MCOLN3: variants seen among roughly 807,000 people sequenced by gnomAD.
The protein encoded by MCOLN3 is mucolipin-3.
In MCOLN3, 62 loss-of-function variants were observed where a neutral mutation model predicts 69.4. That is an observed-to-expected ratio of 0.89 (90% CI 0.73 to 1.10). The LOEUF (loss-of-function observed/expected upper bound fraction) is 1.10. Among genes scored for constraint, MCOLN3 ranks in the 50% least tolerant of loss-of-function variants. The pLI, the probability that MCOLN3 is intolerant of heterozygous loss-of-function variation, is 0.00. For synonymous variants in MCOLN3, 183 were observed against 217.0 expected (o/e 0.84, Z 1.38); for missense variants, 564 against 656.4 (o/e 0.86, Z 1.54).
Position 85,045,252 on chromosome 1 carries a change from G to A in MCOLN3, c.109C>T (p.Gln37Ter). 1 of 1,614,026 alleles carries A rather than the reference G, an allele frequency of 6.2e-7. No homozygotes were observed. The highest frequency in any genetic ancestry group is 8.5e-7 in the Non-Finnish European group (1 of 1,179,986). The change falls in exon 2 of 13, where the codon CAG becomes TAG. Residue 37 changes from glutamine to a stop codon, truncating the protein, a stop_gained. Transcript: ENST00000370589. LOFTEE classifies it high-confidence loss of function. ...SPSEELLLED[Q>*]MRRKLKFFFM... is the part of the protein sequence containing the mutation. ...AAAAATTTGAGTTTTCGCCTCATCT[G>A]GTCTTCTAATAGAAGCTCCTCAGAT...
chr1:85,041,368 T>C (rs562589180), intron 2 of MCOLN3, among the ~76,000 whole-genome samples, 191 bp from the exon 3 acceptor site: 7 of 152,274 alleles, frequency 4.6e-5, no homozygotes, highest in Middle Eastern at 3.4e-3. Context: ...TATTCCTAGG[T>C]CTAATCACCA....
At chr1:85,038,838 A>G (rs2102938615) in intron 3 of MCOLN3, among the ~76,000 whole-genome samples, 1 of 151,668 alleles carries the variant, frequency 6.6e-6, no homozygotes, top group South Asian at 2.1e-4. Context: ...TAAAAATACA[A>G]AAAAAAATTA....
rs773065183 is a variant in MCOLN3 at position 85,022,162 on chromosome 1, G to C, written c.1228C>G (p.Pro410Ala). Residue 410 changes from proline (P) to alanine (A), a missense_variant, in exon 11 of 13, where the codon CCC (proline) becomes GCC (alanine). Pro to Ala is a conservative substitution (Grantham distance 27, BLOSUM62 -1). Transcript: ENST00000370589. ...CAGCAGCAGAACCTGATGACATTGG[G>C]CAGCGCTGCCTGAAGGGTCAAAATG... Reference protein sequence around the residue: ...LLILTLQAALPNVIRFCCCAA... With the variant: ...LLILTLQAALANVIRFCCCAA... The C allele has an allele frequency of 6.2e-7, 1 of 1,614,116 alleles. No homozygotes were observed.
chr1:85,045,095 A>G, intron 2 of MCOLN3, 38 bp downstream of exon 2: 1 of 1,518,182 alleles, frequency 6.6e-7, no homozygotes, highest in Non-Finnish European at 9.0e-7. Flanking sequence ...TTGTAATTAA[A>G]AGAGGCTTTC....
intron 4 of MCOLN3, 107 bp downstream of exon 4, chr1:85,033,991 G>T: frequency 1.7e-6 from 2 of 1,188,304 alleles, no homozygotes; most frequent in Non-Finnish European, 2.4e-6. Context: ...TTCTTACTAT[G>T]TCCTAATATC....
Position 85,045,144 on chromosome 1 carries a change from C to T in MCOLN3, c.217G>A (p.Val73Met). 2 of 1,613,438 alleles carry T rather than the reference C, an allele frequency of 1.2e-6. No homozygotes were observed. The highest frequency in any genetic ancestry group is 1.7e-6 in the Non-Finnish European group (2 of 1,179,692). The change falls in exon 2 of 13, where the codon GTG becomes ATG. Residue 73 changes from valine to methionine, a missense_variant. Val to Met is a conservative substitution (Grantham distance 21). Transcript: ENST00000370589. ...LAIQILKIAM[V>M]TIQLVLFGLS... is the part of the protein sequence containing the mutation. ...TCTGAGATGCTTACCTGGATAGTCA[C>T]CATTGCAATTTTTAGAATTTGTATG...
At position 85,038,036 on chromosome 1, in the gene MCOLN3, A is replaced by AT. The variant is rs370105590; in HGVS notation, c.396+2973dup. 3.2e-3 allele frequency among the ~76,000 whole-genome samples: 484 copies of AT among 152,356 alleles called. 2 individuals carry two copies. Among genetic ancestry groups the AT allele is most frequent in the Non-Finnish European group, 4.4e-3 (296 of 68,034 alleles). On this transcript the variant is annotated intron_variant, in intron 3 of 12. Coordinates refer to ENST00000370589, the MANE Select transcript of MCOLN3 (RefSeq NM_018298.11). ...GGGTGGGTAGGAAAGAAAGGAAGCC[A>AT]TCCAGAAACAGGAATTTATAAACTA... is the stretch of plus-strand genomic sequence containing the variant.
intron 6 of MCOLN3, chr1:85,029,649 A>C (rs1017945335): frequency 2.6e-5 from 4 of 152,854 alleles, no homozygotes; most frequent in African/African-American, 9.6e-5. Context: ...GCTTTGAGAC[A>C]TTTCAAGTGG....
intron 4 of MCOLN3, 119 bp downstream of exon 4, chr1:85,033,979 C>A: frequency 9.2e-7 from 1 of 1,090,010 alleles, no homozygotes; most frequent in Non-Finnish European, 1.3e-6. Context: ...ACTCGTATAT[C>A]ATTCTTACTA....
At chr1:85,040,000 C>T (rs1284380037) in intron 3 of MCOLN3, among the ~76,000 whole-genome samples, 1 of 151,968 alleles carries the variant, frequency 6.6e-6, no homozygotes, top group Non-Finnish European at 1.5e-5. Context: ...CTATCCCACT[C>T]CCCGCCACCC....
chr1:85,021,280 GA>G lies in MCOLN3; in HGVS notation c.1321-5del. On this transcript the variant is annotated splice_region_variant and splice_polypyrimidine_tract_variant and intron_variant, in intron 11 of 12. Transcript: ENST00000370589. Reference sequence around the variant, plus strand: ...AGACCATGTTCAGAGAACGAAACTGGAAAAAGAAAAGAGAAAAGTTCACTTT... The same window carrying G: ...AGACCATGTTCAGAGAACGAAACTGGAAAAGAAAAGAGAAAAGTTCACTTT... The G allele has an allele frequency of 1.2e-6, 2 of 1,602,426 alleles. No homozygotes were observed. Among genetic ancestry groups the G allele is most frequent in the African/African-American group, 1.3e-5 (1 of 74,126 alleles).
chr1:85,023,882 T>G (rs901387936), intron 9 of MCOLN3, among the ~76,000 whole-genome samples: 2 of 152,140 alleles, frequency 1.3e-5, no homozygotes, highest in Non-Finnish European at 2.9e-5. Flanking sequence ...ATTGAAAGCA[T>G]GTCAACAAAA....
chr1:85,045,190 A>G lies in MCOLN3; in HGVS notation c.171T>C (p.Gly57=). 6.2e-7 allele frequency: 1 copy of G among 1,614,046 alleles called. No homozygotes were observed. Among genetic ancestry groups the G allele is most frequent in the South Asian group, 1.1e-5 (1 of 91,072 alleles). Residue 57 remains glycine, a synonymous_variant, in exon 2 of 13, where the codon GGT becomes GGC. Coordinates refer to ENST00000370589, the MANE Select transcript of MCOLN3 (RefSeq NM_018298.11). The part of the protein sequence containing the change: ...MNPCEKFWAR[G]RKPWKLAIQI... ...GTATGGCAAGTTTCCATGGTTTTCT[A>G]CCTCGAGCCCAGAACTTCTCACAGG...
In MCOLN3 at chr1:85,041,195, A is replaced by G. The variant is rs1413911167; in HGVS notation, c.229-18T>C. The G allele has an allele frequency of 3.7e-6, 6 of 1,606,542 alleles. No homozygotes were observed. Among genetic ancestry groups the G allele is most frequent in the Non-Finnish European group, 5.1e-6 (6 of 1,176,758 alleles). On this transcript the variant is annotated intron_variant, in intron 2 of 12. Coordinates refer to ENST00000370589, the MANE Select transcript of MCOLN3 (RefSeq NM_018298.11). ...AAGACCAGCTTAAAAGAAAAAAAAG[A>G]AAAGGTAAGAGGGTGGAAAATGTGG...
intron 2 of MCOLN3, among the ~76,000 whole-genome samples, chr1:85,044,729 G>GC (rs1224935078): frequency 2.6e-5 from 4 of 152,136 alleles, no homozygotes; most frequent in Non-Finnish European, 5.9e-5. Context: ...TTTGCCTGTA[G>GC]CAGGAACCCT....
At chr1:85,045,715 C>T (rs1653316861) in intron 1 of MCOLN3, among the ~76,000 whole-genome samples, 1 of 152,182 alleles carries the variant, frequency 6.6e-6, no homozygotes, top group African/African-American at 2.4e-5. Flanking sequence ...GGGGGAAGGA[C>T]TTCAGAGGGT....
intron 4 of MCOLN3, among the ~76,000 whole-genome samples, chr1:85,033,860 T>A (rs1452051937): frequency 6.6e-6 from 1 of 152,210 alleles, no homozygotes; most frequent in Admixed American, 6.5e-5. Flanking sequence ...CTCTGAGCCA[T>A]AATTTAGTCT....
intron 6 of MCOLN3, among the ~76,000 whole-genome samples, chr1:85,032,067 C>G (rs936981586): frequency 2.1e-4 from 30 of 141,344 alleles, no homozygotes; most frequent in Admixed American, 2.0e-3. Flanking sequence ...CAGAGCGAGA[C>G]TCTGTCTCAA....
At position 85,039,618 on chromosome 1, in the gene MCOLN3, G is replaced by C. The variant is rs139160085; in HGVS notation, c.396+1392C>G. Among the ~76,000 whole-genome samples, 32 of 152,208 alleles carry C rather than the reference G, an allele frequency of 2.1e-4. No individual in the cohort carries two copies. In the East Asian group the frequency reaches 6.2e-3, roughly 29 times the overall value. The stretch of plus-strand genomic sequence containing the variant: ...TGTGGAAATCTGAAAAAGCAGAATG[G>C]CCTAAGTGCCAAATACTACATTTTG... On this transcript the variant is annotated intron_variant, in intron 3 of 12. Coordinates refer to ENST00000370589, the MANE Select transcript of MCOLN3 (RefSeq NM_018298.11).
Sources: allele counts gnomAD v4.1 joint callset (sites outside exome capture counted in the v4.1 genomes callset), GRCh38; gene constraint gnomAD v4.1.1; transcripts MANE v1.5; gene names NCBI Gene and HGNC (gene_info 2026-07-23, HGNC 2026-07-21).